The following SOX6 variants were observed in gnomAD, a reference collection of about 807,000 sequenced individuals.
The protein encoded by SOX6 is transcription factor SOX-6.
In SOX6, 11 loss-of-function variants were observed where a neutral mutation model predicts 97.8. That is an observed-to-expected ratio of 0.11 (90% confidence interval 0.07 to 0.19). The LOEUF (loss-of-function observed/expected upper bound fraction) is 0.19, where lower values mean the gene tolerates loss of function less well. Ranked by LOEUF, SOX6 falls within the 10% of genes least tolerant of loss-of-function variation. The pLI is 1.00. For missense variants in SOX6, 810 were observed against 1,039.5 expected (o/e 0.78, Z 3.04); for synonymous variants, 360 against 371.4 (o/e 0.97, Z 0.35).
intron 3 of SOX6, among the ~76,000 whole-genome samples, chr11:16,641,100 G>A (rs1204398671): frequency 6.6e-6 from 1 of 152,158 alleles, no homozygotes; most frequent in East Asian, 1.9e-4. Context: ...AGAGATTCTG[G>A]TATGCTGTGT....
chr11:16,213,679 C>T (rs1227880271), intron 4 of SOX6, among the ~76,000 whole-genome samples: 1 of 152,126 alleles, frequency 6.6e-6, no homozygotes, highest in Non-Finnish European at 1.5e-5. Context: ...TTCAGCATTT[C>T]TGTATATAAG....
At chr11:16,392,998 C>G (rs968125037) in intron 1 of SOX6, among the ~76,000 whole-genome samples, 2 of 152,040 alleles carry the variant, frequency 1.3e-5, no homozygotes, top group African/African-American at 4.8e-5. Flanking sequence ...TTTCTAATGA[C>G]AAGAACTTCA....
chr11:16,047,730 GTGTGTA>G lies in SOX6; in HGVS notation c.1436-1035_1436-1030del, dbSNP rs200011468. ...TGTGTGTGTGTGTGTGTGTGTGTGTGTGTGTATGTGTGTGTATACACCTCACATAGG... is the reference window on the plus strand; with the variant it reads ...TGTGTGTGTGTGTGTGTGTGTGTGTGTGTGTGTGTATACACCTCACATAGG... On this transcript the variant is annotated intron_variant, in intron 11 of 15. Transcript: ENST00000683767. Among the ~76,000 whole-genome samples, 82 of 149,628 alleles carry G rather than the reference GTGTGTA, an allele frequency of 5.5e-4. No individual in the cohort carries two copies. The East Asian group carries it at 0.014, about 26-fold the overall frequency.
At chr11:16,369,638 A>C (rs1352031968) in intron 1 of SOX6, among the ~76,000 whole-genome samples, 1 of 152,174 alleles carries the variant, frequency 6.6e-6, no homozygotes, top group Non-Finnish European at 1.5e-5. Context: ...AATGGCTTAA[A>C]ATGTAGTGAG....
At chr11:16,401,244 G>C (rs1858550633) in intron 1 of SOX6, among the ~76,000 whole-genome samples, 1 of 151,446 alleles carries the variant, frequency 6.6e-6, no homozygotes, top group African/African-American at 2.4e-5. Flanking sequence ...GACCAAGAAA[G>C]GTTTGCAGAT....
chr11:16,386,164 T>G (rs765158174), intron 1 of SOX6, among the ~76,000 whole-genome samples: 1 of 152,152 alleles, frequency 6.6e-6, no homozygotes, highest in African/African-American at 2.4e-5. Flanking sequence ...TTTGTTGTCG[T>G]TCTTATACAT....
intron 4 of SOX6, chr11:16,576,869 T>G (rs1367730422): frequency 6.6e-6 from 1 of 152,258 alleles, no homozygotes; most frequent in African/African-American, 2.4e-5. Context: ...TGGTGGCATG[T>G]GCGTGTAGTC....
At chr11:16,189,219 A>C (rs1273105261) in intron 4 of SOX6, among the ~76,000 whole-genome samples, 1 of 152,216 alleles carries the variant, frequency 6.6e-6, no homozygotes, top group African/African-American at 2.4e-5. Context: ...AATCTGAAAA[A>C]GCAACAAATT....
chr11:16,452,132 T>C (rs1043008482), intron 1 of SOX6, among the ~76,000 whole-genome samples: 1 of 152,136 alleles, frequency 6.6e-6, no homozygotes, highest in African/African-American at 2.4e-5. Context: ...TAAATACATA[T>C]TGCTGCATGG....
chr11:16,558,053 T>G (rs1413231910), intron 4 of SOX6, among the ~76,000 whole-genome samples: 1 of 151,924 alleles, frequency 6.6e-6, no homozygotes, highest in African/African-American at 2.4e-5. Flanking sequence ...CTTTTCCAAC[T>G]ATCAAGAACT....
At chr11:16,125,212 T>C (rs916331429) in intron 6 of SOX6, among the ~76,000 whole-genome samples, 1 of 152,070 alleles carries the variant, frequency 6.6e-6, no homozygotes, top group African/African-American at 2.4e-5. Flanking sequence ...ATTTGGATAC[T>C]GATACATTAC....
intron 7 of SOX6, among the ~76,000 whole-genome samples, chr11:16,105,253 A>T (rs1296482476): frequency 2.0e-5 from 3 of 152,092 alleles, no homozygotes; most frequent in Non-Finnish European, 4.4e-5. Context: ...CAAGCATTAC[A>T]TTAATAGAAC....
Position 16,310,669 on chromosome 11 carries a change from G to A in SOX6, c.445+7777C>T, listed in dbSNP as rs141831580. 4.4e-3 allele frequency among the ~76,000 whole-genome samples: 666 copies of A among 152,146 alleles called. 5 individuals carry two copies. Among genetic ancestry groups the A allele is most frequent in the African/African-American group, 0.015 (606 of 41,542 alleles). On this transcript the variant is annotated intron_variant, in intron 3 of 15. Coordinates refer to ENST00000683767, the MANE Select transcript of SOX6 (RefSeq NM_001367873.1). ...GGAAACTTCAGCATTTAAATGACTT[G>A]AAATTTCCAATTTATTTGAAATAAC... is the stretch of plus-strand genomic sequence containing the variant.
chr11:16,587,269 T>C lies in SOX6; in HGVS notation n.609+24812A>G, dbSNP rs185658448. Among the ~76,000 whole-genome samples, 69 of 152,352 alleles carry C rather than the reference T, an allele frequency of 4.5e-4. No homozygotes were observed. The East Asian group carries it at 0.011, about 25-fold the overall frequency. ...ATTTGGTTCTGCCATTTAATGGCTA[T>C]GTAAACCTGGGCATGTCATTTTTCC... is the stretch of plus-strand genomic sequence containing the variant. On this transcript the variant is annotated intron_variant and non_coding_transcript_variant, in intron 4 of 5. Coordinates refer to the SOX6 transcript ENST00000524520.
chr11:16,642,465 C>T (rs1848933448), intron 3 of SOX6, among the ~76,000 whole-genome samples: 1 of 152,156 alleles, frequency 6.6e-6, no homozygotes, highest in Non-Finnish European at 1.5e-5. Context: ...TGTTGGCCTG[C>T]CTTGCTAGAT....
chr11:16,439,078 C>T (rs1053015396), intron 1 of SOX6, among the ~76,000 whole-genome samples: 1 of 152,066 alleles, frequency 6.6e-6, no homozygotes, highest in Non-Finnish European at 1.5e-5. Flanking sequence ...ATCTAAATTT[C>T]GCAGTAGCCT....
At chr11:16,067,442 C>T (rs1393876453) in intron 9 of SOX6, among the ~76,000 whole-genome samples, 2 of 152,196 alleles carry the variant, frequency 1.3e-5, no homozygotes, top group South Asian at 2.1e-4. Flanking sequence ...GGTTCCCCTG[C>T]ACACACCCTC....
At chr11:16,627,334 C>T (rs1438525942) in intron 3 of SOX6, among the ~76,000 whole-genome samples, 1 of 152,192 alleles carries the variant, frequency 6.6e-6, no homozygotes, top group African/African-American at 2.4e-5. Flanking sequence ...TTTAGATGTA[C>T]ACCAAGTATT....
At chr11:16,256,904 C>G (rs978994909) in intron 3 of SOX6, among the ~76,000 whole-genome samples, 1 of 151,688 alleles carries the variant, frequency 6.6e-6, no homozygotes, top group African/African-American at 2.4e-5. Flanking sequence ...AACCACTTTC[C>G]TATTTATTAG....
Sources: allele counts gnomAD v4.1 joint callset (sites outside exome capture counted in the v4.1 genomes callset), GRCh38; gene constraint gnomAD v4.1.1; transcripts MANE v1.5; gene names NCBI Gene and HGNC (gene_info 2026-07-23, HGNC 2026-07-21).